IL7: variants seen among roughly 807,000 people sequenced by gnomAD.
IL7 encodes the protein interleukin-7.
A neutral mutation model predicts 21.6 loss-of-function variants in IL7; 3 were observed. The ratio of observed to expected loss-of-function variants is 0.14; its 90% CI spans 0.06 to 0.36. IL7 has a LOEUF of 0.36. Ranked by LOEUF, IL7 falls within the 10% of genes least tolerant of loss-of-function variation. IL7 has a pLI of 1.00. For synonymous variants in IL7, 62 were observed against 68.1 expected (o/e 0.91, Z 0.44); for missense variants, 175 against 200.2 (o/e 0.87, Z 0.76).
intron 2 of IL7, among the ~76,000 whole-genome samples, chr8:78,747,948 A>G (rs1331315115): frequency 2.0e-5 from 3 of 152,234 alleles, no homozygotes; most frequent in South Asian, 4.1e-4. Flanking sequence ...GATCTCAATC[A>G]TAAGTACCTT....
At chr8:78,689,168 A>T in intron 3 of IL7, 1 of 1,294,172 alleles carries the variant, frequency 7.7e-7, no homozygotes, top group Non-Finnish European at 1.0e-6. Flanking sequence ...AGATTTTTTA[A>T]TGTCCGTTTC....
At chr8:78,697,443 G>T (rs1194602345) in intron 3 of IL7, 4 of 1,608,308 alleles carry the variant, frequency 2.5e-6, no homozygotes, top group Non-Finnish European at 3.4e-6. Flanking sequence ...AAATTCTCCT[G>T]GAACTGCATC....
chr8:78,745,038 T>C (rs1811931758), intron 2 of IL7, among the ~76,000 whole-genome samples: 1 of 152,356 alleles, frequency 6.6e-6, no homozygotes, highest in East Asian at 1.9e-4. Context: ...TGGAAGGTGC[T>C]GTATTTACTC....
chr8:78,702,041 A>G (rs1810622833), intron 3 of IL7, among the ~76,000 whole-genome samples: 1 of 152,146 alleles, frequency 6.6e-6, no homozygotes. Flanking sequence ...TAATATCAGT[A>G]GGAATTGTAC....
At chr8:78,716,215 C>G (rs1811097125), downstream of IL7, among the ~76,000 whole-genome samples, 1 of 151,356 alleles carries the variant, frequency 6.6e-6, no homozygotes, top group South Asian at 2.1e-4. Context: ...CTGTGCCTCC[C>G]AGGTTCACGC....
intron 3 of IL7, among the ~76,000 whole-genome samples, chr8:78,739,563 ATGCC>A (rs1811708802): frequency 6.6e-6 from 1 of 151,952 alleles, no homozygotes; most frequent in Non-Finnish European, 1.5e-5. Context: ...GTGGTGGTGC[ATGCC>A]TGTAGACCCA....
intron 3 of IL7, among the ~76,000 whole-genome samples, chr8:78,707,855 C>CT (rs34584205): frequency 3.6e-4 from 52 of 143,388 alleles, no homozygotes; most frequent in African/African-American, 9.2e-4. Flanking sequence ...CTTTTTTTTT[C>CT]TTTTTTTTTT....
At chr8:78,756,878 T>A (rs1420728196) in intron 2 of IL7, among the ~76,000 whole-genome samples, 1 of 151,956 alleles carries the variant, frequency 6.6e-6, no homozygotes, top group Non-Finnish European at 1.5e-5. Flanking sequence ...TAGCTTTTAG[T>A]TTCTATTTCC....
chr8:78,704,632 A>C (rs1810714873), intron 3 of IL7, among the ~76,000 whole-genome samples: 1 of 152,104 alleles, frequency 6.6e-6, no homozygotes, highest in South Asian at 2.1e-4. Context: ...CCTGAATTTG[A>C]ATGTTGGCCC....
intron 1 of IL7, among the ~76,000 whole-genome samples, chr8:78,799,737 C>G (rs1045454673): frequency 1.3e-5 from 2 of 152,070 alleles, no homozygotes; most frequent in African/African-American, 4.8e-5. Context: ...GGTTTGGATG[C>G]TAACCTGAAT....
At chr8:78,764,242 T>C (rs1375272197) in intron 2 of IL7, among the ~76,000 whole-genome samples, 1 of 151,948 alleles carries the variant, frequency 6.6e-6, no homozygotes, top group African/African-American at 2.4e-5. Flanking sequence ...ATATCATACT[T>C]AATAATAAGA....
chr8:78,765,308 T>G (rs1445313860), intron 2 of IL7, among the ~76,000 whole-genome samples: 1 of 152,088 alleles, frequency 6.6e-6, no homozygotes, highest in East Asian at 1.9e-4. Flanking sequence ...AGGCATGATC[T>G]ATGAAAGAGG....
chr8:78,757,498 A>G (rs1812387543), intron 2 of IL7, among the ~76,000 whole-genome samples: 1 of 151,670 alleles, frequency 6.6e-6, no homozygotes, highest in South Asian at 2.1e-4. Context: ...GAAATTTCCA[A>G]CTCTTACTGT....
intron 3 of IL7, among the ~76,000 whole-genome samples, chr8:78,699,454 A>G (rs541777399): frequency 3.3e-5 from 5 of 152,206 alleles, no homozygotes; most frequent in African/African-American, 1.2e-4. Context: ...TACAGCACAC[A>G]TTATTTTCTT....
chr8:78,779,367 G>A (rs189467049), intron 2 of IL7, among the ~76,000 whole-genome samples: 2 of 152,264 alleles, frequency 1.3e-5, no homozygotes, highest in Non-Finnish European at 2.9e-5. Context: ...GATATTGGCT[G>A]TGGGTTTGTC....
intron 2 of IL7, among the ~76,000 whole-genome samples, chr8:78,746,099 G>A (rs140131668): frequency 6.6e-6 from 1 of 152,068 alleles, no homozygotes; most frequent in Admixed American, 6.6e-5. Context: ...TTTCAGATTA[G>A]AATTTTTTTA....
chr8:78,785,023 A>G (rs1201922940), intron 2 of IL7, among the ~76,000 whole-genome samples: 1 of 152,124 alleles, frequency 6.6e-6, no homozygotes, highest in Non-Finnish European at 1.5e-5. Context: ...TTTTGTAGAC[A>G]TTATTCCATT....
chr8:78,798,034 A>G (rs1446445142), intron 2 of IL7, 38 bp downstream of exon 2: 17 of 1,539,914 alleles, frequency 1.1e-5, no homozygotes, highest in East Asian at 2.3e-5. Flanking sequence ...AATTTTCCCA[A>G]TGCATGAAAA....
rs188113395 is a variant in IL7, at chr8:78,758,518, C to G, written c.148-18436G>C. ...CTTATAGATGTTGTACTCCCTGAAG[C>G]ATTTATTGTATGGTTGATCTAGTAG... is the stretch of plus-strand genomic sequence containing the variant. On this transcript the variant is annotated intron_variant, in intron 2 of 5. Coordinates refer to ENST00000263851, the MANE Select transcript of IL7 (RefSeq NM_000880.4). 2.2e-4 allele frequency among the ~76,000 whole-genome samples: 34 copies of G among 152,028 alleles called. 1 individual carries two copies. The highest frequency in any genetic ancestry group is 2.1e-3 in the East Asian group (11 of 5,180).
Sources: gnomAD v4.1 joint callset for allele counts (sites outside exome capture counted in the v4.1 genomes callset) on GRCh38, gnomAD v4.1.1 for gene constraint, MANE v1.5 for transcripts, NCBI Gene and HGNC (gene_info 2026-07-23, HGNC 2026-07-21) for gene names.